TANC1: variants seen among roughly 807,000 people sequenced by gnomAD.
TANC1 encodes the protein tetratricopeptide repeat, ankyrin repeat and coiled-coil containing 1.
A neutral mutation model predicts 149.7 loss-of-function variants in TANC1; 77 were observed. The observed-to-expected ratio is 0.51, with a 90% confidence interval of 0.43 to 0.62. The LOEUF (loss-of-function observed/expected upper bound fraction) is 0.62. Ranked by LOEUF, TANC1 falls within the 20% of genes least tolerant of loss-of-function variation. TANC1 has a pLI of 0.00. For synonymous variants in TANC1, 854 were observed against 925.0 expected (o/e 0.92, Z 1.39); for missense variants, 1,985 against 2,321.8 (o/e 0.85, Z 2.98).
intron 17 of TANC1, among the ~76,000 whole-genome samples, chr2:159,195,991 G>C (rs2057816658): frequency 6.6e-6 from 1 of 152,212 alleles, no homozygotes; most frequent in South Asian, 2.1e-4. Flanking sequence ...GAGTAGGTGT[G>C]TGGCACTCAC....
intron 1 of TANC1, among the ~76,000 whole-genome samples, chr2:158,999,991 G>A (rs1002158390): frequency 1.3e-5 from 2 of 152,138 alleles, no homozygotes; most frequent in Admixed American, 6.5e-5. Flanking sequence ...GCCCAGGCTG[G>A]TCTCTAACTC....
intron 19 of TANC1, among the ~76,000 whole-genome samples, chr2:159,214,053 A>G (rs1169262430): frequency 6.8e-6 from 1 of 147,010 alleles, no homozygotes; most frequent in Non-Finnish European, 1.5e-5. Context: ...TGAACCTGGG[A>G]GGTGGAGGTT....
intron 1 of TANC1, among the ~76,000 whole-genome samples, chr2:158,984,314 C>T (rs2034761287): frequency 6.6e-6 from 1 of 152,158 alleles, no homozygotes. Context: ...AAAGAGATGC[C>T]ATTTCTAGGA....
chr2:159,072,317 C>G (rs1400577638), intron 3 of TANC1, among the ~76,000 whole-genome samples: 2 of 152,182 alleles, frequency 1.3e-5, no homozygotes, highest in Non-Finnish European at 2.9e-5. Context: ...TGGTTGTTCC[C>G]TCTGGTTTGA....
chr2:159,136,049 T>TGTGTGTGTGTGCGA, intron 4 of TANC1, 145 bp from the exon 5 acceptor site: 2 of 90,882 alleles, frequency 2.2e-5, no homozygotes, highest in Non-Finnish European at 4.2e-5. Flanking sequence ...TGTGTGTGTG[T>TGTGTGTGTGTGCGA]GCGCGCGCGC....
At chr2:159,205,538 A>G (rs1230768787) in intron 19 of TANC1, among the ~76,000 whole-genome samples, 2 of 152,208 alleles carry the variant, frequency 1.3e-5, no homozygotes, top group African/African-American at 4.8e-5. Flanking sequence ...GTTTTGTTAC[A>G]CAAGTACCAC....
chr2:159,136,788 C>CAAAAA (rs34488237), intron 5 of TANC1, among the ~76,000 whole-genome samples: 6 of 119,092 alleles, frequency 5.0e-5, no homozygotes, highest in Admixed American at 8.7e-5. Context: ...GAAGTAGGAG[C>CAAAAA]AAAAAAAAAA....
chr2:159,019,651 C>CTTTTTTTT (rs2038620199), intron 2 of TANC1, among the ~76,000 whole-genome samples: 3 of 61,280 alleles, frequency 4.9e-5, no homozygotes, highest in Non-Finnish European at 1.0e-4. Context: ...TGCTTTCTTT[C>CTTTTTTTT]TGTTTTTTTT....
intron 1 of TANC1, among the ~76,000 whole-genome samples, chr2:158,985,868 C>T (rs1370742670): frequency 6.6e-6 from 1 of 152,134 alleles, no homozygotes; most frequent in Non-Finnish European, 1.5e-5. Flanking sequence ...GTCTGAAACT[C>T]CTGACCTTGC....
intron 2 of TANC1, among the ~76,000 whole-genome samples, chr2:159,046,589 CTTTTT>C (rs57208685): frequency 1.2e-4 from 10 of 84,388 alleles, no homozygotes; most frequent in African/African-American, 4.4e-4. Flanking sequence ...CTTTTCTTTA[CTTTTT>C]TTTTTTTTTT....
At chr2:159,007,718 G>A (rs983049372) in intron 2 of TANC1, among the ~76,000 whole-genome samples, 36 of 152,278 alleles carry the variant, frequency 2.4e-4, no homozygotes, top group Admixed American at 9.1e-4. Context: ...ATTCCTGAAC[G>A]GAATGGTAAG....
chr2:159,210,937 T>C (rs1381090650), intron 19 of TANC1, among the ~76,000 whole-genome samples: 1 of 151,688 alleles, frequency 6.6e-6, no homozygotes, highest in Non-Finnish European at 1.5e-5. Flanking sequence ...AATGGCACAA[T>C]CTCAGCTCAC....
At chr2:159,080,079 C>G (rs1212417920) in intron 3 of TANC1, among the ~76,000 whole-genome samples, 1 of 152,286 alleles carries the variant, frequency 6.6e-6, no homozygotes, top group East Asian at 1.9e-4. Context: ...GGGCAGGGCT[C>G]TGCAACCCCC....
intron 4 of TANC1, among the ~76,000 whole-genome samples, chr2:159,119,720 C>A (rs1279725549): frequency 1.3e-5 from 2 of 152,174 alleles, no homozygotes; most frequent in Admixed American, 1.3e-4. Context: ...AGCAGGCACT[C>A]TTAGGAGGTG....
intron 2 of TANC1, chr2:159,004,262 T>A: frequency 6.2e-7 from 1 of 1,612,150 alleles, no homozygotes; most frequent in East Asian, 2.2e-5. Context: ...ATGAGGAAGA[T>A]GATGATGTTC....
chr2:159,184,257 A>G (rs142635371), intron 14 of TANC1, among the ~76,000 whole-genome samples: 25 of 152,352 alleles, frequency 1.6e-4, no homozygotes, highest in African/African-American at 5.8e-4. Context: ...AGCTTTGGAA[A>G]TTAACAGAAT....
Position 159,146,536 on chromosome 2 carries a change from C to CTTTT in TANC1, c.365-2588_365-2585dup, listed in dbSNP as rs35745470. Among the ~76,000 whole-genome samples the CTTTT allele has an allele frequency of 5.1e-5, 4 of 78,344 alleles. No homozygotes were observed. In the Admixed American group the frequency reaches 5.7e-4, roughly 11 times the overall value. The allele number at this position is 78,344 out of a possible 152,430, so 51.4% of individuals were successfully genotyped here. A position where few individuals can be genotyped will look rare whatever the true frequency, so the allele number is the denominator to read the frequency against. Reference sequence around the variant, plus strand: ...ATCATGAATTTGGGTGTCCCTTTTCCTTTTTTTTTTTTTTTTTTTTTGGAG... The same window carrying CTTTT: ...ATCATGAATTTGGGTGTCCCTTTTCCTTTTTTTTTTTTTTTTTTTTTTTTTGGAG... On this transcript the variant is annotated intron_variant, in intron 5 of 26. Coordinates refer to ENST00000263635, the MANE Select transcript of TANC1 (RefSeq NM_033394.3).
At chr2:159,166,610 C>T (rs1042582134) in intron 8 of TANC1, among the ~76,000 whole-genome samples, 3 of 152,096 alleles carry the variant, frequency 2.0e-5, no homozygotes, top group Non-Finnish European at 2.9e-5. Flanking sequence ...ATTTTGAAAG[C>T]GTTTATGGGT....
intron 22 of TANC1, among the ~76,000 whole-genome samples, chr2:159,220,539 T>C (rs973109319): frequency 6.6e-6 from 1 of 151,630 alleles, no homozygotes; most frequent in Non-Finnish European, 1.5e-5. Context: ...CCTGACCTCA[T>C]GATCCGCCTG....
Sources: allele counts gnomAD v4.1 joint callset (sites outside exome capture counted in the v4.1 genomes callset), GRCh38; gene constraint gnomAD v4.1.1; transcripts MANE v1.5; gene names NCBI Gene and HGNC (gene_info 2026-07-23, HGNC 2026-07-21).